ANKRD28: variants seen among roughly 807,000 people sequenced by gnomAD.
ANKRD28 encodes serine/threonine-protein phosphatase 6 regulatory ankyrin repeat subunit A.
In ANKRD28, 44 loss-of-function variants were observed where a neutral mutation model predicts 126.5. That is an observed-to-expected ratio of 0.35 (90% CI 0.27 to 0.45). The LOEUF is 0.45. ANKRD28 is among the 20% of genes least tolerant of loss of function. The pLI, the probability that ANKRD28 is intolerant of heterozygous loss-of-function variation, is 1.00. For synonymous variants in ANKRD28, 442 were observed against 468.5 expected (o/e 0.94, Z 0.73); for missense variants, 1,110 against 1,316.6 (o/e 0.84, Z 2.43).
At position 15,767,700 on chromosome 3, in the gene ANKRD28, T is replaced by TA. The variant is rs57072807; in HGVS notation, c.202-1389dup. Among the ~76,000 whole-genome samples, 51 of 64,348 alleles carry TA rather than the reference T, an allele frequency of 7.9e-4. 3 individuals carry two copies. The highest frequency in any genetic ancestry group is 1.2e-3 in the Non-Finnish European group (41 of 34,332). The allele number at this position is 64,348 out of a possible 152,430, so 42.2% of individuals were successfully genotyped here. A position where few individuals can be genotyped will look rare whatever the true frequency, so the allele number is the denominator to read the frequency against. The stretch of plus-strand genomic sequence containing the variant: ...TAACACAATGAAACCTAGTCTCTAC[T>TA]AAAAAAAAAAAAAAAAAAAAAAAAA... On this transcript the variant is annotated intron_variant, in intron 2 of 27. Transcript: ENST00000683139.
intron 1 of ANKRD28, among the ~76,000 whole-genome samples, chr3:15,850,220 T>G (rs376492755): frequency 6.1e-5 from 3 of 49,350 alleles, no homozygotes; most frequent in Middle Eastern, 0.011. Context: ...TATATATATA[T>G]ATATAGAGAG....
intron 27 of ANKRD28, among the ~76,000 whole-genome samples, chr3:15,671,618 C>T (rs537278849): frequency 3.4e-5 from 5 of 145,164 alleles, no homozygotes; most frequent in South Asian, 4.3e-4. Flanking sequence ...AGAGTCTGCT[C>T]GGTCACCCAA....
intron 6 of ANKRD28, among the ~76,000 whole-genome samples, chr3:15,731,706 T>A (rs2074608513): frequency 1.3e-5 from 2 of 151,672 alleles, no homozygotes; most frequent in Admixed American, 1.3e-4. Context: ...AAAAATTAGC[T>A]GGGCGTGGTG....
intron 14 of ANKRD28, among the ~76,000 whole-genome samples, chr3:15,696,510 G>A (rs1200430540): frequency 6.6e-6 from 1 of 151,984 alleles, no homozygotes; most frequent in African/African-American, 2.4e-5. Flanking sequence ...ATATGTGAAG[G>A]CTATCTTTTA....
At chr3:15,749,179 C>T (rs968185000) in intron 4 of ANKRD28, among the ~76,000 whole-genome samples, 10 of 143,458 alleles carry the variant, frequency 7.0e-5, no homozygotes, top group Non-Finnish European at 1.3e-4. Context: ...GGCGCAATCT[C>T]GGCTCACTGC....
intron 3 of ANKRD28, among the ~76,000 whole-genome samples, chr3:15,764,315 T>C (rs1156702353): frequency 6.6e-6 from 1 of 152,224 alleles, no homozygotes; most frequent in African/African-American, 2.4e-5. Flanking sequence ...ACTTGGATTA[T>C]TCAGAAGAAA....
rs188178929 is a variant in ANKRD28, at chr3:15,821,176, A to G, written c.28-25870T>C. ...ATTGCCAAATGTCCCCTGGAGAACA[A>G]TAACACCCCTCATTTGAGAAAGACT... On this transcript the variant is annotated intron_variant, in intron 1 of 27. Transcript: ENST00000399451. Among the ~76,000 whole-genome samples the G allele has an allele frequency of 2.0e-4, 31 of 152,338 alleles. No homozygotes were observed. In the East Asian group the frequency reaches 5.4e-3, roughly 27 times the overall value.
At chr3:15,700,435 C>T (rs2070392380) in intron 14 of ANKRD28, among the ~76,000 whole-genome samples, 1 of 151,276 alleles carries the variant, frequency 6.6e-6, no homozygotes, top group African/African-American at 2.4e-5. Context: ...GCACATGTAC[C>T]CTAGAACTTA....
chr3:15,794,887 A>G (rs1040864911), intron 2 of ANKRD28, among the ~76,000 whole-genome samples: 2 of 152,348 alleles, frequency 1.3e-5, no homozygotes, highest in Middle Eastern at 3.4e-3. Context: ...TATATATGTA[A>G]AAGTTGTATA....
intron 1 of ANKRD28, 38 bp from the exon 2 acceptor site, chr3:15,795,344 C>A: frequency 7.4e-7 from 1 of 1,356,298 alleles, no homozygotes. Context: ...TTAGAATCAT[C>A]CATGTGGGGT....
Position 15,687,659 on chromosome 3 carries a change from A to AAACTATTAGTTT in ANKRD28, c.1964-1351_1964-1350insAAACTAATAGTT, listed in dbSNP as rs1553586342. Among the ~76,000 whole-genome samples, 554 of 152,342 alleles carry AAACTATTAGTTT rather than the reference A, an allele frequency of 3.6e-3. 7 individuals carry two copies. The highest frequency in any genetic ancestry group is 0.013 in the African/African-American group (534 of 41,570). The stretch of plus-strand genomic sequence containing the variant: ...CACAGTATGTTCCCACAGTTATATT[A>AAACTATTAGTTT]AATACTAATAGTTATTAAACTTGTG... On this transcript the variant is annotated intron_variant, in intron 18 of 27. Transcript: ENST00000683139.
chr3:15,834,703 A>G (rs1283728977), intron 1 of ANKRD28, among the ~76,000 whole-genome samples: 1 of 152,212 alleles, frequency 6.6e-6, no homozygotes, highest in East Asian at 1.9e-4. Flanking sequence ...ACCCAGGAAT[A>G]TAAAAATTTT....
chr3:15,772,344 G>A (rs2059056501), intron 2 of ANKRD28, among the ~76,000 whole-genome samples: 1 of 151,920 alleles, frequency 6.6e-6, no homozygotes, highest in Admixed American at 6.6e-5. Flanking sequence ...ACTAAGAGGG[G>A]ATTATCAATA....
chr3:15,841,738 C>T (rs775005809), intron 1 of ANKRD28, among the ~76,000 whole-genome samples: 9 of 152,198 alleles, frequency 5.9e-5, no homozygotes, highest in South Asian at 2.1e-4. Flanking sequence ...ATCATCTCAC[C>T]GCAGTTAAAA....
rs542065354 is a variant in ANKRD28, at chr3:15,822,134, A to C, written c.28-26828T>G. 3.9e-5 allele frequency among the ~76,000 whole-genome samples: 6 copies of C among 152,352 alleles called. No homozygotes were observed. The East Asian group carries it at 1.2e-3, about 29-fold the overall frequency. The stretch of plus-strand genomic sequence containing the variant: ...CTGGCCATATGCTCAGAGAAGACTC[A>C]TGAAGACCCTAAACTTTCACCTCTG... On this transcript the variant is annotated intron_variant, in intron 1 of 27. Transcript: ENST00000399451.
intron 27 of ANKRD28, among the ~76,000 whole-genome samples, chr3:15,670,825 C>T (rs564744179): frequency 2.0e-5 from 3 of 152,242 alleles, no homozygotes; most frequent in South Asian, 2.1e-4. Flanking sequence ...ACAACTTATC[C>T]GTATCCATCT....
At chr3:15,752,402 T>C (rs557692369) in intron 3 of ANKRD28, among the ~76,000 whole-genome samples, 1 of 152,292 alleles carries the variant, frequency 6.6e-6, no homozygotes, top group East Asian at 1.9e-4. Context: ...GAAATTTTTT[T>C]AAACAAATCA....
At chr3:15,848,426 G>A (rs1351170242) in intron 1 of ANKRD28, among the ~76,000 whole-genome samples, 1 of 152,138 alleles carries the variant, frequency 6.6e-6, no homozygotes, top group African/African-American at 2.4e-5. Flanking sequence ...TGTAATCCCA[G>A]TGCTTTGGGA....
intron 3 of ANKRD28, among the ~76,000 whole-genome samples, chr3:15,752,229 T>C (rs2057901226): frequency 6.6e-6 from 1 of 152,164 alleles, no homozygotes. Flanking sequence ...TACTAATGAA[T>C]ATATCACGCC....
Sources: gnomAD v4.1 joint callset for allele counts (sites outside exome capture counted in the v4.1 genomes callset) on GRCh38, gnomAD v4.1.1 for gene constraint, MANE v1.5 for transcripts, NCBI Gene and HGNC (gene_info 2026-07-23, HGNC 2026-07-21) for gene names.